STON2: variants seen among roughly 807,000 people sequenced by gnomAD.
STON2 encodes stonin 2.
A neutral mutation model predicts 65.7 loss-of-function variants in STON2; 29 were observed. That is an observed-to-expected ratio of 0.44 (90% confidence interval 0.33 to 0.60). The LOEUF is 0.60. Ranked by LOEUF, STON2 falls within the 20% of genes least tolerant of loss-of-function variation. The pLI is 0.03. For missense variants in STON2, 1,054 were observed against 1,118.1 expected, an observed-to-expected ratio of 0.94 and a Z score of 0.82; for synonymous variants, 404 against 414.2, an observed-to-expected ratio of 0.98 and a Z score of 0.30.
At chr14:81,367,243 A>T (rs1166890185) in intron 4 of STON2, among the ~76,000 whole-genome samples, 1 of 151,862 alleles carries the variant, frequency 6.6e-6, no homozygotes, top group Non-Finnish European at 1.5e-5. Context: ...CGGTGGCACG[A>T]TCTTGGCTCA....
chr14:81,378,685 T>A (rs908457105), intron 3 of STON2, among the ~76,000 whole-genome samples: 5 of 152,256 alleles, frequency 3.3e-5, no homozygotes, highest in African/African-American at 4.8e-5. Flanking sequence ...AGCTATTCTG[T>A]ATACAACAAA....
intron 5 of STON2, among the ~76,000 whole-genome samples, chr14:81,311,358 C>G (rs1426709372): frequency 6.6e-6 from 1 of 152,148 alleles, no homozygotes; most frequent in South Asian, 2.1e-4. Flanking sequence ...CCCAGCAGAA[C>G]CCCTGATGTT....
intron 4 of STON2, among the ~76,000 whole-genome samples, chr14:81,335,054 C>T (rs916230104): frequency 1.3e-5 from 2 of 149,558 alleles, no homozygotes; most frequent in Non-Finnish European, 3.0e-5. Context: ...TGTGTATAGA[C>T]AGGGTTTTGC....
At chr14:81,341,446 G>GTTTTTTTTTTTTTTT (rs748642462) in intron 4 of STON2, among the ~76,000 whole-genome samples, 2 of 115,752 alleles carry the variant, frequency 1.7e-5, no homozygotes, top group Non-Finnish European at 1.7e-5. Flanking sequence ...TTTTATAAGT[G>GTTTTTTTTTTTTTTT]TTTTTTTTTT....
rs1894398883 is a variant in STON2 at position 81,267,385 on chromosome 14, A to T, written c.*1029T>A. On this transcript the variant is annotated 3_prime_UTR_variant, in exon 8 of 8. Coordinates refer to ENST00000614646, the MANE Select transcript of STON2 (RefSeq NM_001394390.1). ...CTGAATTTTGGGGGAAAGCTCATTC[A>T]AGCTTAATTTTAAAACAGCTTTAAA... is the stretch of plus-strand genomic sequence containing the variant. 7 of 985,404 alleles carry T rather than the reference A, an allele frequency of 7.1e-6. No individual in the cohort carries two copies. The highest frequency in any genetic ancestry group is 8.4e-6 in the Non-Finnish European group (7 of 829,926). 61.0% of individuals were successfully genotyped at this position (985,404 alleles called of 1,614,324 possible). A position where few individuals can be genotyped will look rare whatever the true frequency, so the allele number is the denominator to read the frequency against.
intron 3 of STON2, among the ~76,000 whole-genome samples, chr14:81,392,778 G>A (rs557531532): frequency 1.6e-4 from 25 of 152,000 alleles, no homozygotes; most frequent in African/African-American, 6.0e-4. Flanking sequence ...CACAGAGAAT[G>A]TTAAAAAGAC....
intron 6 of STON2, 152 bp downstream of exon 6, chr14:81,276,749 C>T: frequency 1.2e-6 from 1 of 845,328 alleles, no homozygotes; most frequent in Non-Finnish European, 1.9e-6. Context: ...ACTTACCTTG[C>T]TCAATTATTT....
Position 81,294,646 on chromosome 14 carries a change from G to C in STON2, c.743-15907C>G, listed in dbSNP as rs181161867. Among the ~76,000 whole-genome samples, 169 of 152,110 alleles carry C rather than the reference G, an allele frequency of 1.1e-3. 2 individuals carry two copies. Among genetic ancestry groups the C allele is most frequent in the Non-Finnish European group, 1.2e-3 (79 of 67,994 alleles). ...TTATTATTATCATGATTATTCCTTA[G>C]AGTCCATGTATCCCTGGGGAAGATC... On this transcript the variant is annotated intron_variant, in intron 5 of 7. Coordinates refer to ENST00000614646, the MANE Select transcript of STON2 (RefSeq NM_001394390.1).
At chr14:81,431,777 CAA>C (rs1206683311) in intron 1 of STON2, among the ~76,000 whole-genome samples, 42 of 108,482 alleles carry the variant, frequency 3.9e-4, no homozygotes, top group Admixed American at 7.0e-4. Context: ...AACTCTGTCT[CAA>C]AAAAAAAAAA....
chr14:81,333,097 G>T, intron 4 of STON2: 3 of 897,666 alleles, frequency 3.3e-6, no homozygotes, highest in South Asian at 1.4e-5. Flanking sequence ...TCTATGTTTG[G>T]ATTCATATTT....
rs577929432 is a variant in STON2, at chr14:81,284,023, C to T, written c.743-5284G>A. Among the ~76,000 whole-genome samples, 63 of 152,266 alleles carry T rather than the reference C, an allele frequency of 4.1e-4. 1 individual carries two copies. The South Asian group carries it at 0.012, about 30-fold the overall frequency. On this transcript the variant is annotated intron_variant, in intron 5 of 7. Transcript: ENST00000614646. ...TGATACTATTGTAACTGTTTTGGGG[C>T]ACCATAAACTGTGCCCATATAAGAT...
chr14:81,306,337 C>G (rs1047308782), intron 5 of STON2, among the ~76,000 whole-genome samples: 4 of 140,974 alleles, frequency 2.8e-5, no homozygotes, highest in African/African-American at 1.1e-4. Context: ...TCAAGTGATT[C>G]TCGTGTCTCA....
At chr14:81,412,578 C>T (rs1901213879) in intron 2 of STON2, among the ~76,000 whole-genome samples, 1 of 138,320 alleles carries the variant, frequency 7.2e-6, no homozygotes, top group Non-Finnish European at 1.5e-5. Flanking sequence ...TTGCCAGGGG[C>T]CAGGGAGGCA....
At chr14:81,402,394 C>T (rs1156234134), upstream of STON2, among the ~76,000 whole-genome samples, 1 of 152,130 alleles carries the variant, frequency 6.6e-6, no homozygotes, top group Non-Finnish European at 1.5e-5. Flanking sequence ...AGGGAGATAC[C>T]ACAGCAACCT....
chr14:81,281,082 C>T (rs1379136851), intron 5 of STON2, among the ~76,000 whole-genome samples: 1 of 150,856 alleles, frequency 6.6e-6, no homozygotes, highest in East Asian at 1.9e-4. Flanking sequence ...TATACATATA[C>T]ACATATCCAT....
chr14:81,358,776 C>T (rs1275180834), intron 4 of STON2, among the ~76,000 whole-genome samples: 1 of 152,056 alleles, frequency 6.6e-6, no homozygotes, highest in Non-Finnish European at 1.5e-5. Flanking sequence ...CAGTCAAAAA[C>T]AGTAAGAAGA....
At chr14:81,344,152 A>G (rs1195073101) in intron 4 of STON2, among the ~76,000 whole-genome samples, 1 of 152,204 alleles carries the variant, frequency 6.6e-6, no homozygotes, top group Non-Finnish European at 1.5e-5. Flanking sequence ...CACATCTATC[A>G]TAAAAGAAAT....
chr14:81,307,527 T>C (rs1896227382), intron 5 of STON2, among the ~76,000 whole-genome samples: 2 of 152,198 alleles, frequency 1.3e-5, no homozygotes, highest in South Asian at 4.1e-4. Flanking sequence ...TGATTTTGAA[T>C]AGAAAAGCCT....
intron 5 of STON2, among the ~76,000 whole-genome samples, chr14:81,319,701 A>G (rs534107952): frequency 2.0e-5 from 3 of 152,362 alleles, no homozygotes; most frequent in South Asian, 4.1e-4. Flanking sequence ...TTTAAAAATT[A>G]CAGGTTCCGA....
Sources: allele counts gnomAD v4.1 joint callset (sites outside exome capture counted in the v4.1 genomes callset), GRCh38; gene constraint gnomAD v4.1.1; transcripts MANE v1.5; gene names NCBI Gene and HGNC (gene_info 2026-07-23, HGNC 2026-07-21).